Variants in SYN3 observed in about 807,000 individuals in gnomAD.
SYN3 encodes the protein synapsin-3.
Under a neutral mutation model 65.8 loss-of-function variants are expected in SYN3, and 35 were observed. The observed-to-expected ratio is 0.53, with a 90% CI of 0.41 to 0.70. The LOEUF (loss-of-function observed/expected upper bound fraction) is 0.70, where lower values mean the gene tolerates loss of function less well. SYN3 is among the 30% of genes least tolerant of loss of function. SYN3 has a pLI of 0.00. For missense variants in SYN3, 680 were observed against 749.0 expected, an observed-to-expected ratio of 0.91 and a Z score of 1.08; for synonymous variants, 270 against 292.9, an observed-to-expected ratio of 0.92 and a Z score of 0.80.
At chr22:32,975,638 C>A (rs761743849) in intron 3 of SYN3, among the ~76,000 whole-genome samples, 4 of 152,132 alleles carry the variant, frequency 2.6e-5, no homozygotes, top group Non-Finnish European at 5.9e-5. Context: ...TTGCCACCAC[C>A]GACTCGACTT....
At chr22:32,741,346 A>AG (rs1569186814) in intron 6 of SYN3, among the ~76,000 whole-genome samples, 2 of 137,322 alleles carry the variant, frequency 1.5e-5, no homozygotes, top group African/African-American at 5.5e-5. Flanking sequence ...TCTAGAGCCC[A>AG]ATTTTTTTTT....
chr22:32,691,548 C>T (rs2060661569), intron 6 of SYN3, among the ~76,000 whole-genome samples: 1 of 152,144 alleles, frequency 6.6e-6, no homozygotes, highest in Non-Finnish European at 1.5e-5. Context: ...CTTCTACATC[C>T]ACCCGCCCAT....
chr22:32,569,351 A>G (rs974364971), intron 7 of SYN3, among the ~76,000 whole-genome samples: 3 of 151,456 alleles, frequency 2.0e-5, no homozygotes, highest in African/African-American at 7.3e-5. Flanking sequence ...TCCAAAATAT[A>G]TCTATCTATC....
chr22:32,515,804 T>TA lies in SYN3; in HGVS notation c.1611-1981_1611-1980insT, dbSNP rs1290713819. Among the ~76,000 whole-genome samples, 3 of 149,408 alleles carry TA rather than the reference T, an allele frequency of 2.0e-5. No individual in the cohort carries two copies. In the East Asian group the frequency reaches 5.8e-4, roughly 29 times the overall value. On this transcript the variant is annotated intron_variant, in intron 13 of 13. Transcript: ENST00000358763. ...TCGAAGAAACTCGGTGCTCCAGGAT[T>TA]TTTTTTTTTTTCGAGATGGAGTCTT...
chr22:32,924,854 G>A (rs1329779600), intron 4 of SYN3, among the ~76,000 whole-genome samples: 2 of 152,186 alleles, frequency 1.3e-5, no homozygotes, highest in African/African-American at 4.8e-5. Flanking sequence ...CACGTTAGGA[G>A]GCCAAGGTGG....
At chr22:32,928,446 A>ATGTTG (rs1459938098) in intron 4 of SYN3, among the ~76,000 whole-genome samples, 2 of 152,390 alleles carry the variant, frequency 1.3e-5, no homozygotes, top group African/African-American at 4.8e-5. Context: ...CAGTTGGGCA[A>ATGTTG]AATCTTTGAA....
chr22:33,050,076 C>G (rs2054137203), intron 1 of SYN3, among the ~76,000 whole-genome samples: 1 of 152,074 alleles, frequency 6.6e-6, no homozygotes. Flanking sequence ...AATACAACTC[C>G]AAACACCTAA....
intron 3 of SYN3, among the ~76,000 whole-genome samples, chr22:32,939,528 C>T (rs73405297): frequency 0.012 from 1,863 of 152,206 alleles, 52 homozygotes; most frequent in African/African-American, 0.042. Context: ...CTGATCTCAC[C>T]CCCACACCAT....
At chr22:32,998,381 A>G (rs946018194) in intron 2 of SYN3, among the ~76,000 whole-genome samples, 6 of 152,230 alleles carry the variant, frequency 3.9e-5, no homozygotes, top group Admixed American at 3.9e-4. Flanking sequence ...GTTTCAAACC[A>G]AGGACACCCT....
At chr22:32,518,014 A>G in intron 13 of SYN3, 29 bp downstream of exon 13, 1 of 1,508,120 alleles carries the variant, frequency 6.6e-7, no homozygotes, top group Non-Finnish European at 8.8e-7. Context: ...GCTCTATCCT[A>G]TACCTTTTCC....
chr22:32,685,182 A>C (rs2147129114), intron 6 of SYN3, among the ~76,000 whole-genome samples: 1 of 152,316 alleles, frequency 6.6e-6, no homozygotes, highest in East Asian at 1.9e-4. Context: ...AAGAACTTTG[A>C]CAATTCCTGC....
intron 9 of SYN3, among the ~76,000 whole-genome samples, chr22:32,536,521 T>A (rs75405780): frequency 0.024 from 3,584 of 152,284 alleles, 71 homozygotes; most frequent in East Asian, 0.11. Context: ...TAGGGGATGC[T>A]CCCACTCCAG....
At chr22:32,952,597 A>T (rs2051324470) in intron 3 of SYN3, among the ~76,000 whole-genome samples, 1 of 151,974 alleles carries the variant, frequency 6.6e-6, no homozygotes, top group African/African-American at 2.4e-5. Flanking sequence ...CTCTACAAAA[A>T]ATTTAAAAAT....
intron 6 of SYN3, among the ~76,000 whole-genome samples, chr22:32,676,713 T>TG (rs2060450910): frequency 1.3e-5 from 1 of 74,592 alleles, no homozygotes; most frequent in East Asian, 2.0e-4. Flanking sequence ...ATTTTTTGTT[T>TG]TTTTTTTTTT....
intron 4 of SYN3, among the ~76,000 whole-genome samples, chr22:32,925,172 G>A (rs1233303474): frequency 6.6e-6 from 1 of 152,136 alleles, no homozygotes; most frequent in Non-Finnish European, 1.5e-5. Context: ...AGCTTCTGAT[G>A]ATTGTCAGCA....
rs1034033286 is a variant in SYN3 at position 32,524,088 on chromosome 22, T to A, written c.1318+3830A>T. Among the ~76,000 whole-genome samples the A allele has an allele frequency of 3.3e-4, 50 of 152,230 alleles. 1 individual carries two copies. Among genetic ancestry groups the A allele is most frequent in the Admixed American group, 2.5e-3 (38 of 15,274 alleles). On this transcript the variant is annotated intron_variant, in intron 12 of 13. Coordinates refer to ENST00000358763, the MANE Select transcript of SYN3 (RefSeq NM_003490.4). ...AAAGTTGGAAGCTAGCAGAGGTTGGTGGGTGAAGTCTCAGGAAAGAAGCCA... is the reference window on the plus strand; with the variant it reads ...AAAGTTGGAAGCTAGCAGAGGTTGGAGGGTGAAGTCTCAGGAAAGAAGCCA...
chr22:32,787,328 G>A (rs549187042), intron 6 of SYN3, among the ~76,000 whole-genome samples: 14 of 152,288 alleles, frequency 9.2e-5, no homozygotes, highest in South Asian at 2.1e-4. Flanking sequence ...GATTACAGGC[G>A]TGAGCCACCG....
intron 6 of SYN3, among the ~76,000 whole-genome samples, chr22:32,754,842 G>A (rs944553346): frequency 3.9e-5 from 6 of 152,174 alleles, no homozygotes; most frequent in Non-Finnish European, 7.4e-5. Context: ...TTTCCTGGTG[G>A]GTGGAGCCTT....
intron 7 of SYN3, among the ~76,000 whole-genome samples, chr22:32,570,570 G>C (rs1353905424): frequency 2.7e-5 from 4 of 150,384 alleles, no homozygotes; most frequent in African/African-American, 9.8e-5. Flanking sequence ...CGGGGGAGGA[G>C]TCTCAGGAGG....
Sources: allele counts gnomAD v4.1 joint callset (sites outside exome capture counted in the v4.1 genomes callset), GRCh38; gene constraint gnomAD v4.1.1; transcripts MANE v1.5; gene names NCBI Gene and HGNC (gene_info 2026-07-23, HGNC 2026-07-21).